DPP10: variants seen among roughly 807,000 people sequenced by gnomAD.
DPP10 encodes the protein inactive dipeptidyl peptidase 10.
In DPP10, 33 loss-of-function variants were observed where a neutral mutation model predicts 120.9. The ratio of observed to expected loss-of-function variants is 0.27; its 90% CI spans 0.21 to 0.37. DPP10 has a LOEUF of 0.37. Ranked by LOEUF, DPP10 falls within the 10% of genes least tolerant of loss-of-function variation. The probability of loss-of-function intolerance (pLI) is 1.00; values close to 1 mark genes in which losing one functional copy is unlikely to be tolerated. For missense variants in DPP10, 816 were observed against 942.8 expected (o/e 0.87, Z 1.76); for synonymous variants, 337 against 326.1 (o/e 1.03, Z -0.36).
rs78924899 is a variant in DPP10, at chr2:115,046,365, C to T, written c.61-262874C>T. On this transcript the variant is annotated intron_variant, in intron 1 of 25. Coordinates refer to ENST00000410059, the MANE Select transcript of DPP10 (RefSeq NM_020868.6). Reference sequence around the variant, plus strand: ...CAAAATCACACCATTTGAATTCTTGCAGACTTTGAAGCTTAAATAGATTCT... The same window carrying T: ...CAAAATCACACCATTTGAATTCTTGTAGACTTTGAAGCTTAAATAGATTCT... 7.1e-3 allele frequency among the ~76,000 whole-genome samples: 1,076 copies of T among 152,288 alleles called. 8 individuals carry two copies. The highest frequency in any genetic ancestry group is 0.025 in the African/African-American group (1,032 of 41,566).
intron 1 of DPP10, among the ~76,000 whole-genome samples, chr2:114,935,671 G>T (rs1696406959): frequency 6.9e-6 from 1 of 144,918 alleles, no homozygotes; most frequent in African/African-American, 2.5e-5. Context: ...GATCCTTTCG[G>T]TTATTTGCTC....
chr2:114,476,169 G>A (rs1326877840), intron 1 of DPP10, among the ~76,000 whole-genome samples: 1 of 152,126 alleles, frequency 6.6e-6, no homozygotes, highest in South Asian at 2.1e-4. Context: ...AGTTCTTGAT[G>A]TACTTTACTA....
chr2:115,461,816 C>G (rs1043245771), intron 3 of DPP10, among the ~76,000 whole-genome samples: 1 of 151,908 alleles, frequency 6.6e-6, no homozygotes, highest in East Asian at 1.9e-4. Flanking sequence ...ATTATTTTCC[C>G]TTTGTTCCGA....
intron 1 of DPP10, among the ~76,000 whole-genome samples, chr2:115,101,484 A>T (rs562814591): frequency 6.6e-6 from 1 of 152,230 alleles, no homozygotes; most frequent in East Asian, 1.9e-4. Context: ...CCTACCACTG[A>T]TATATGTAAT....
intron 7 of DPP10, among the ~76,000 whole-genome samples, chr2:115,692,261 C>G (rs1189447115): frequency 6.6e-6 from 1 of 151,654 alleles, no homozygotes; most frequent in Non-Finnish European, 1.5e-5. Flanking sequence ...ATGAGACATG[C>G]TTTATGGCTT....
chr2:115,672,720 C>CTT (rs1257430539), intron 5 of DPP10, among the ~76,000 whole-genome samples: 1 of 68,174 alleles, frequency 1.5e-5, no homozygotes, highest in African/African-American at 4.9e-5. Context: ...CTCTTTCTTT[C>CTT]TCTTTCTCTC....
Position 115,269,926 on chromosome 2 carries a change from G to A in DPP10, c.61-39313G>A, listed in dbSNP as rs144353255. On this transcript the variant is annotated intron_variant, in intron 1 of 25. Transcript: ENST00000410059. ...AATTTGATCTTGAGGTTGTAAAGTG[G>A]CTATAAACTTTAGCCCTGCCCTGAT... 1.0e-3 allele frequency among the ~76,000 whole-genome samples: 155 copies of A among 152,168 alleles called. 2 individuals carry two copies. Among genetic ancestry groups the A allele is most frequent in the African/African-American group, 3.4e-3 (141 of 41,530 alleles).
intron 5 of DPP10, among the ~76,000 whole-genome samples, chr2:115,563,692 A>G (rs1253582865): frequency 6.6e-6 from 1 of 152,198 alleles, no homozygotes; most frequent in East Asian, 1.9e-4. Flanking sequence ...CCTCTTCGTA[A>G]GGAAATATTT....
At chr2:115,225,155 A>T (rs542164292) in intron 1 of DPP10, among the ~76,000 whole-genome samples, 2 of 152,258 alleles carry the variant, frequency 1.3e-5, no homozygotes, top group East Asian at 3.9e-4. Context: ...TGTGGGGAGG[A>T]ATATTCAAGT....
chr2:114,876,910 G>GCAATATATGCAATATAAATGCAAATATA (rs1558834234), intron 1 of DPP10, among the ~76,000 whole-genome samples: 5 of 152,056 alleles, frequency 3.3e-5, no homozygotes, highest in Admixed American at 3.3e-4. Context: ...GTACTAAAGT[G>GCAATATATGCAATATAAATGCAAATATA]TCACGACTTT....
intron 1 of DPP10, among the ~76,000 whole-genome samples, chr2:115,180,453 G>A (rs150905867): frequency 6.7e-4 from 102 of 152,272 alleles, no homozygotes; most frequent in African/African-American, 2.3e-3. Context: ...AGCCTCTTGT[G>A]TGTTATAATC....
intron 1 of DPP10, among the ~76,000 whole-genome samples, chr2:115,005,599 C>T (rs1701763636): frequency 6.6e-6 from 1 of 151,952 alleles, no homozygotes; most frequent in South Asian, 2.1e-4. Flanking sequence ...ATGTGATCAA[C>T]TGGAAGAAAG....
chr2:115,144,853 A>G (rs1000201055), intron 1 of DPP10: 16 of 151,860 alleles, frequency 1.1e-4, no homozygotes, highest in African/African-American at 3.6e-4. Flanking sequence ...AAAAGAAAGA[A>G]CTCACCCAGT....
At chr2:115,396,370 G>T (rs2067677483) in intron 3 of DPP10, among the ~76,000 whole-genome samples, 1 of 152,150 alleles carries the variant, frequency 6.6e-6, no homozygotes, top group Admixed American at 6.5e-5. Flanking sequence ...TGAAAGATTT[G>T]TGTTGCTCTC....
At position 115,547,362 on chromosome 2, in the gene DPP10, G is replaced by A. The variant is rs187480526; in HGVS notation, c.441+21390G>A. Among the ~76,000 whole-genome samples, 4 of 152,250 alleles carry A rather than the reference G, an allele frequency of 2.6e-5. No individual in the cohort carries two copies. The East Asian group carries it at 5.8e-4, about 22-fold the overall frequency. ...TGCAAAAGTCACTTTGTAAATGAGA[G>A]TATTTAAGACTTCCGTGATACGATG... On this transcript the variant is annotated intron_variant, in intron 5 of 25. Transcript: ENST00000410059.
chr2:114,969,016 G>A (rs1435808624), intron 1 of DPP10, among the ~76,000 whole-genome samples: 1 of 152,160 alleles, frequency 6.6e-6, no homozygotes, highest in African/African-American at 2.4e-5. Context: ...TTCATTTCAT[G>A]GGGCCATACT....
intron 1 of DPP10, among the ~76,000 whole-genome samples, chr2:115,199,236 T>TA (rs922267746): frequency 3.9e-5 from 6 of 152,074 alleles, no homozygotes; most frequent in South Asian, 2.1e-4. Context: ...TTGAATATGA[T>TA]AAAAAACAGC....
intron 1 of DPP10, among the ~76,000 whole-genome samples, chr2:114,492,507 A>G (rs1682094883): frequency 6.6e-6 from 1 of 152,218 alleles, no homozygotes; most frequent in Non-Finnish European, 1.5e-5. Flanking sequence ...TGCAATGGGC[A>G]TTATTTAACT....
intron 2 of DPP10, 66 bp downstream of exon 2, chr2:115,309,419 C>T: frequency 1.4e-6 from 2 of 1,477,330 alleles, no homozygotes; most frequent in South Asian, 1.2e-5. Flanking sequence ...CATTCAAATG[C>T]CTTAAGAGGG....
Sources: allele counts gnomAD v4.1 joint callset (sites outside exome capture counted in the v4.1 genomes callset), GRCh38; gene constraint gnomAD v4.1.1; transcripts MANE v1.5; gene names NCBI Gene and HGNC (gene_info 2026-07-23, HGNC 2026-07-21).